CRYZL1: variants seen among roughly 807,000 people sequenced by gnomAD.
CRYZL1 encodes ferry endosomal RAB5 effector complex subunit 4.
CRYZL1 carries 34 observed loss-of-function variants against 50.6 expected under a neutral mutation model. The observed-to-expected ratio is 0.67, with a 90% confidence interval of 0.51 to 0.89. The LOEUF (loss-of-function observed/expected upper bound fraction) is 0.89. Ranked by LOEUF, CRYZL1 falls within the 40% of genes least tolerant of loss-of-function variation. CRYZL1 has a pLI of 0.00. For synonymous variants in CRYZL1, 125 were observed against 134.3 expected (o/e 0.93, Z 0.48); for missense variants, 354 against 402.3 (o/e 0.88, Z 1.03).
At chr21:33,637,602 A>C (rs1364030029) in intron 1 of CRYZL1, among the ~76,000 whole-genome samples, 1 of 151,674 alleles carries the variant, frequency 6.6e-6, no homozygotes, top group African/African-American at 2.4e-5. Context: ...TGAAAGTCCA[A>C]ACTCCTCTTC....
chr21:33,605,961 A>G (rs1166119161), intron 6 of CRYZL1, among the ~76,000 whole-genome samples: 4 of 152,188 alleles, frequency 2.6e-5, no homozygotes, highest in Non-Finnish European at 5.9e-5. Context: ...TTAGCAACAA[A>G]CTAGTGCCAT....
At chr21:33,594,438 G>C (rs988763794) in intron 11 of CRYZL1, 3 of 151,808 alleles carry the variant, frequency 2.0e-5, no homozygotes, top group Non-Finnish European at 2.9e-5. Context: ...GGGATTACAG[G>C]CATGAGCCAC....
At chr21:33,641,243 A>G in intron 1 of CRYZL1, 1 of 1,550,670 alleles carries the variant, frequency 6.4e-7, no homozygotes, top group Non-Finnish European at 8.7e-7. Context: ...CAAAAGCCAC[A>G]TACAGCGAAT....
At chr21:33,636,651 C>G (rs376922289) in intron 1 of CRYZL1, among the ~76,000 whole-genome samples, 1 of 152,148 alleles carries the variant, frequency 6.6e-6, no homozygotes, top group African/African-American at 2.4e-5. Flanking sequence ...AAACACTTGA[C>G]TACAAACACT....
chr21:33,640,317 C>T, intron 1 of CRYZL1: 1 of 1,361,092 alleles, frequency 7.3e-7, no homozygotes, highest in Non-Finnish European at 9.8e-7. Context: ...GGAACAGAGG[C>T]ATCGATAAGG....
chr21:33,590,971 T>C (rs2086637844), intron 12 of CRYZL1, among the ~76,000 whole-genome samples, 191 bp downstream of exon 12: 1 of 152,208 alleles, frequency 6.6e-6, no homozygotes, highest in African/African-American at 2.4e-5. Flanking sequence ...ATAAGATCAG[T>C]GCAAAAGTAA....
At chr21:33,590,636 G>A (rs1340158897) in intron 12 of CRYZL1, among the ~76,000 whole-genome samples, 2 of 151,788 alleles carry the variant, frequency 1.3e-5, no homozygotes, top group Non-Finnish European at 2.9e-5. Context: ...GGCTGGTCTC[G>A]AACTCCTGAT....
rs770932596 is a variant in CRYZL1, at chr21:33,624,664, A to AT, written c.144+18dup. 1.9e-6 allele frequency: 3 copies of AT among 1,605,734 alleles called. No homozygotes were observed. The African/African-American group carries it at 4.0e-5, about 22-fold the overall frequency. On this transcript the variant is annotated intron_variant, in intron 3 of 12. Transcript: ENST00000381554. ...AGAAACTCTCATTTTACTTTGTGCC[A>AT]TAATAAAAGAACCAATACCTTTGTA...
At chr21:33,626,430 C>T (rs2087064038) in intron 2 of CRYZL1, among the ~76,000 whole-genome samples, 1 of 152,008 alleles carries the variant, frequency 6.6e-6, no homozygotes, top group Admixed American at 6.6e-5. Flanking sequence ...GGCATGGGGG[C>T]TCACGCCTGT....
rs2086916581 is a variant in CRYZL1 at position 33,615,206 on chromosome 21, A to G, written c.262+1500T>C. On this transcript the variant is annotated intron_variant, in intron 5 of 12. Coordinates refer to ENST00000381554, the MANE Select transcript of CRYZL1 (RefSeq NM_145858.3). ...TCTCCCTCTGTCACCAGGCTGGAGT[A>G]CAGTGGTGTGATCATGGCTCACTGC... 2.1e-5 allele frequency among the ~76,000 whole-genome samples: 3 copies of G among 142,986 alleles called. No individual in the cohort carries two copies. The South Asian group carries it at 6.5e-4, about 31-fold the overall frequency. 93.8% of individuals were successfully genotyped at this position (142,986 alleles called of 152,430 possible). A position where few individuals can be genotyped will look rare whatever the true frequency, so the allele number is the denominator to read the frequency against.
At chr21:33,621,412 G>C (rs982984115) in intron 4 of CRYZL1, among the ~76,000 whole-genome samples, 2 of 150,848 alleles carry the variant, frequency 1.3e-5, no homozygotes, top group African/African-American at 4.9e-5. Context: ...CGCCATCTCG[G>C]CTCACTGCAA....
At chr21:33,603,559 A>AAC in intron 6 of CRYZL1, 22 bp from the exon 7 acceptor site, 1 of 1,613,384 alleles carries the variant, frequency 6.2e-7, no homozygotes, top group Non-Finnish European at 8.5e-7. Context: ...AACAAGAAGA[A>AAC]ACAATCTGTT....
At chr21:33,619,252 T>A (rs994313551) in intron 4 of CRYZL1, among the ~76,000 whole-genome samples, 30 of 152,248 alleles carry the variant, frequency 2.0e-4, no homozygotes, top group African/African-American at 7.0e-4. Context: ...ATGTCTTGAA[T>A]CCATCCCTCT....
At chr21:33,620,413 T>C (rs879304272) in intron 4 of CRYZL1, among the ~76,000 whole-genome samples, 16 of 152,158 alleles carry the variant, frequency 1.1e-4, no homozygotes, top group Admixed American at 2.0e-4. Context: ...CTATTCAATA[T>C]ATGATTACTT....
intron 9 of CRYZL1, among the ~76,000 whole-genome samples, chr21:33,598,575 C>T (rs533283352): frequency 6.6e-5 from 10 of 152,202 alleles, no homozygotes; most frequent in Non-Finnish European, 1.0e-4. Flanking sequence ...GTCAACTATC[C>T]AATCGAAGGC....
intron 10 of CRYZL1, 121 bp downstream of exon 10, chr21:33,597,159 C>T (rs1488079874): frequency 9.0e-6 from 9 of 995,730 alleles, no homozygotes; most frequent in Non-Finnish European, 1.4e-5. Flanking sequence ...TGTGAGCCAC[C>T]ATGCCTGGCC....
chr21:33,625,800 G>A lies in CRYZL1; in HGVS notation c.67-1040C>T, dbSNP rs537981531. Among the ~76,000 whole-genome samples the A allele has an allele frequency of 1.0e-3, 152 of 151,536 alleles. 2 individuals are homozygous for A. The highest frequency in any genetic ancestry group is 3.4e-3 in the African/African-American group (140 of 41,298). ...TGCCCAGCCCTTAAATTTTCTTAAC[G>A]CTATAAGTGAAATTCTTTTTTAAAA... On this transcript the variant is annotated intron_variant, in intron 2 of 12. Transcript: ENST00000381554.
At chr21:33,606,919 G>A (rs1231377700) in intron 6 of CRYZL1, among the ~76,000 whole-genome samples, 1 of 152,134 alleles carries the variant, frequency 6.6e-6, no homozygotes, top group African/African-American at 2.4e-5. Context: ...GCTGAGGCAG[G>A]AGAATCACTT....
At chr21:33,616,830 A>G in intron 4 of CRYZL1, 80 bp from the exon 5 acceptor site, 2 of 1,265,824 alleles carry the variant, frequency 1.6e-6, no homozygotes, top group East Asian at 2.7e-5. Flanking sequence ...CATTTTTAAA[A>G]TCTGTGGATT....
Sources: allele counts gnomAD v4.1 joint callset (sites outside exome capture counted in the v4.1 genomes callset), GRCh38; gene constraint gnomAD v4.1.1; transcripts MANE v1.5; gene names NCBI Gene and HGNC (gene_info 2026-07-23, HGNC 2026-07-21).